Variants in DENND5B observed in about 807,000 individuals in gnomAD.
The protein encoded by DENND5B is DENN domain-containing protein 5B.
DENND5B carries 34 observed loss-of-function variants against 140.6 expected under a neutral mutation model. That is an observed-to-expected ratio of 0.24 (90% confidence interval 0.18 to 0.32). The LOEUF (loss-of-function observed/expected upper bound fraction) is 0.32. DENND5B is among the 10% of genes least tolerant of loss of function. The pLI is 1.00. For missense variants in DENND5B, 1,142 were observed against 1,560.2 expected (o/e 0.73, Z 4.52); for synonymous variants, 551 against 562.1 (o/e 0.98, Z 0.28).
intron 1 of DENND5B, among the ~76,000 whole-genome samples, chr12:31,534,009 A>G (rs1340087233): frequency 2.6e-5 from 4 of 152,154 alleles, no homozygotes; most frequent in African/African-American, 9.7e-5. Context: ...TCAATATTTA[A>G]GACTTAAATT....
rs181309006 is a variant in DENND5B at position 31,401,900 on chromosome 12, T to C, written c.2949+598A>G. Among the ~76,000 whole-genome samples, 9 of 152,200 alleles carry C rather than the reference T, an allele frequency of 5.9e-5. No individual in the cohort carries two copies. In the East Asian group the frequency reaches 1.5e-3, roughly 26 times the overall value. ...TTGGTCTCCCAAAGTGTTGAGATTA[T>C]AGGCATGAGTCACTGCGCCTGGCCA... On this transcript the variant is annotated intron_variant, in intron 15 of 20. Transcript: ENST00000389082.
At chr12:31,495,370 A>G (rs1248677308) in intron 2 of DENND5B, among the ~76,000 whole-genome samples, 1 of 87,526 alleles carries the variant, frequency 1.1e-5, no homozygotes, top group Non-Finnish European at 2.2e-5. Context: ...TGAGGAGAGT[A>G]TCACATTTCT....
intron 14 of DENND5B, among the ~76,000 whole-genome samples, chr12:31,407,170 G>A (rs1476438272): frequency 2.7e-5 from 4 of 147,146 alleles, no homozygotes; most frequent in South Asian, 2.2e-4. Context: ...TCGCTCTGTC[G>A]CCCAGGCTGG....
intron 1 of DENND5B, among the ~76,000 whole-genome samples, chr12:31,570,233 A>G (rs150697081): frequency 1.4e-3 from 218 of 151,930 alleles, no homozygotes; most frequent in African/African-American, 5.2e-3. Flanking sequence ...GAAAAAAATT[A>G]TAAGCAATAT....
intron 1 of DENND5B, among the ~76,000 whole-genome samples, chr12:31,569,669 G>A (rs926591020): frequency 1.3e-4 from 20 of 152,028 alleles, no homozygotes; most frequent in African/African-American, 4.1e-4. Context: ...AAAATTAGCC[G>A]AGTATGGTGG....
chr12:31,464,607 C>T lies in DENND5B; in HGVS notation c.905-4226G>A, dbSNP rs909208238. On this transcript the variant is annotated intron_variant, in intron 3 of 20. Coordinates refer to ENST00000389082, the MANE Select transcript of DENND5B (RefSeq NM_144973.4). ...ACAGGGTCTCACTCTCTCGTCCAGG[C>T]TGGAGTGCAGTGGTGCGATCTTGGT... Among the ~76,000 whole-genome samples, 4 of 152,174 alleles carry T rather than the reference C, an allele frequency of 2.6e-5. No homozygotes were observed. The East Asian group carries it at 7.7e-4, about 29-fold the overall frequency.
chr12:31,587,844 G>A (rs972861450), intron 1 of DENND5B, among the ~76,000 whole-genome samples: 1 of 152,072 alleles, frequency 6.6e-6, no homozygotes, highest in African/African-American at 2.4e-5. Context: ...ACAGCATCCA[G>A]CCTCTCACCT....
chr12:31,448,770 G>A (rs1318338004), intron 5 of DENND5B, among the ~76,000 whole-genome samples: 1 of 152,172 alleles, frequency 6.6e-6, no homozygotes, highest in Non-Finnish European at 1.5e-5. Flanking sequence ...CAGCCACTAG[G>A]GAGGCTGAAG....
chr12:31,473,570 G>A (rs780124169), intron 3 of DENND5B, among the ~76,000 whole-genome samples: 23 of 152,168 alleles, frequency 1.5e-4, no homozygotes, highest in Non-Finnish European at 2.6e-4. Context: ...TGGAGTGTGG[G>A]CTAGGGCTTA....
chr12:31,450,998 T>C (rs1461015502), intron 5 of DENND5B, among the ~76,000 whole-genome samples: 2 of 152,180 alleles, frequency 1.3e-5, no homozygotes, highest in African/African-American at 4.8e-5. Flanking sequence ...GACTTCTCTT[T>C]CCAAAATCTT....
At chr12:31,534,229 G>A (rs1230521650) in intron 1 of DENND5B, among the ~76,000 whole-genome samples, 2 of 151,812 alleles carry the variant, frequency 1.3e-5, no homozygotes, top group African/African-American at 2.4e-5. Context: ...GTGCGATCTC[G>A]GCTTACTGCA....
At chr12:31,446,816 G>C (rs1471226777) in intron 6 of DENND5B, among the ~76,000 whole-genome samples, 2 of 151,762 alleles carry the variant, frequency 1.3e-5, no homozygotes, top group African/African-American at 4.8e-5. Flanking sequence ...GAACCCGGGA[G>C]GTGGCGCTTG....
chr12:31,578,126 C>CAAAA (rs5797421), intron 1 of DENND5B, among the ~76,000 whole-genome samples: 8 of 77,298 alleles, frequency 1.0e-4, no homozygotes, highest in African/African-American at 2.0e-4. Flanking sequence ...GACGCTGTCT[C>CAAAA]AAAAAAAAAA....
intron 17 of DENND5B, 135 bp from the exon 18 acceptor site, chr12:31,392,831 C>G: frequency 1.2e-6 from 1 of 829,258 alleles, no homozygotes; most frequent in South Asian, 1.9e-5. Context: ...CTCCATAGAA[C>G]TTGCCTCTGG....
intron 3 of DENND5B, among the ~76,000 whole-genome samples, chr12:31,468,954 G>A (rs973510): frequency 0.078 from 11,860 of 152,106 alleles, 1,054 homozygotes; most frequent in African/African-American, 0.22. Flanking sequence ...AGAAAACAAG[G>A]AAATATTAAG....
At position 31,479,765 on chromosome 12, in the gene DENND5B, C is replaced by A. The variant is rs1406987365; in HGVS notation, c.728G>T (p.Arg243Met). Residue 243 changes from arginine to methionine, a missense_variant, in exon 3 of 21, where the codon AGG (arginine) becomes ATG (methionine). This residue lies in a region of DENND5B where 708 missense variants were observed against 905.5 expected (regional missense o/e 0.78). Coordinates refer to ENST00000389082, the MANE Select transcript of DENND5B (RefSeq NM_144973.4). Reference protein sequence around the residue: ...LYEVPLPPPGRSLKFYGVYEP... With the variant: ...LYEVPLPPPGMSLKFYGVYEP... Reference sequence around the variant, plus strand: ...ATAAACACCATAAAATTTCAGTGACCTCCCTGGAGGTGGAAGGGGTACTTC... The same window carrying A: ...ATAAACACCATAAAATTTCAGTGACATCCCTGGAGGTGGAAGGGGTACTTC... 1 of 1,607,250 alleles carries A rather than the reference C, an allele frequency of 6.2e-7. No individual in the cohort carries two copies. The highest frequency in any genetic ancestry group is 2.2e-5 in the East Asian group (1 of 44,750).
intron 2 of DENND5B, among the ~76,000 whole-genome samples, chr12:31,493,554 T>C (rs1946614989): frequency 6.6e-6 from 1 of 151,118 alleles, no homozygotes; most frequent in Non-Finnish European, 1.5e-5. Flanking sequence ...ATGAGCCAGG[T>C]GTGGTGGGAT....
chr12:31,449,479 A>G (rs1944412634), intron 5 of DENND5B, among the ~76,000 whole-genome samples: 1 of 152,260 alleles, frequency 6.6e-6, no homozygotes, highest in African/African-American at 2.4e-5. Flanking sequence ...ACCCTCATAA[A>G]CTATAAAATT....
At chr12:31,500,876 G>C (rs971336712) in intron 1 of DENND5B, among the ~76,000 whole-genome samples, 1 of 152,072 alleles carries the variant, frequency 6.6e-6, no homozygotes, top group African/African-American at 2.4e-5. Context: ...AGGTTAAACA[G>C]TCTTATCACA....
Sources: gnomAD v4.1 joint callset for allele counts (sites outside exome capture counted in the v4.1 genomes callset) on GRCh38, gnomAD v4.1.1 for gene constraint, gnomAD v4.1.1 regional missense constraint, MANE v1.5 for transcripts, NCBI Gene and HGNC (gene_info 2026-07-23, HGNC 2026-07-21) for gene names.